The following CTNNA2 variants were observed in gnomAD, a reference collection of about 807,000 sequenced individuals.
CTNNA2 encodes catenin alpha 2.
A neutral mutation model predicts 101.0 loss-of-function variants in CTNNA2; 42 were observed. The ratio of observed to expected loss-of-function variants is 0.42; its 90% CI spans 0.32 to 0.54. CTNNA2 has a LOEUF of 0.54. Among genes scored for constraint, CTNNA2 ranks in the 20% least tolerant of loss-of-function variants. The pLI is 0.14. For synonymous variants in CTNNA2, 450 were observed against 456.4 expected, an observed-to-expected ratio of 0.99 and a Z score of 0.18; for missense variants, 871 against 1,223.1, an observed-to-expected ratio of 0.71 and a Z score of 4.29.
At chr2:79,991,143 T>G (rs1333057114) in intron 7 of CTNNA2, among the ~76,000 whole-genome samples, 1 of 152,232 alleles carries the variant, frequency 6.6e-6, no homozygotes, top group African/African-American at 2.4e-5. Context: ...TTTTTTATTG[T>G]GTCTATTTGA....
intron 3 of CTNNA2, among the ~76,000 whole-genome samples, chr2:79,812,218 A>G (rs1677098811): frequency 6.6e-6 from 1 of 151,822 alleles, no homozygotes; most frequent in South Asian, 2.1e-4. Flanking sequence ...TTTTCATTCT[A>G]TATTCTTTTC....
chr2:80,266,263 A>G (rs1672993629), intron 7 of CTNNA2, among the ~76,000 whole-genome samples: 1 of 152,168 alleles, frequency 6.6e-6, no homozygotes, highest in East Asian at 1.9e-4. Context: ...CCCTGGTGGG[A>G]TCTTCTTGCC....
intron 4 of CTNNA2, among the ~76,000 whole-genome samples, chr2:79,434,146 A>C (rs1169519103): frequency 6.6e-6 from 1 of 152,008 alleles, no homozygotes; most frequent in African/African-American, 2.4e-5. Flanking sequence ...TACAAAAAAA[A>C]AATTATTCCT....
Position 79,334,995 on chromosome 2 carries a change from C to T in CTNNA2, c.-318+22199C>T, listed in dbSNP as rs202168338. Among the ~76,000 whole-genome samples the T allele has an allele frequency of 1.1e-3, 161 of 152,254 alleles. 1 individual carries two copies. The highest frequency in any genetic ancestry group is 3.8e-3 in the African/African-American group (156 of 41,542). On this transcript the variant is annotated intron_variant, in intron 3 of 21. Coordinates refer to the CTNNA2 transcript ENST00000466387. ...TTCTTTAGAATTTACTGCCCTCCCC[C>T]ACCGCCCATGCACACACATTCAACC...
At chr2:79,607,065 G>T (rs1176222251) in intron 1 of CTNNA2, among the ~76,000 whole-genome samples, 1 of 152,054 alleles carries the variant, frequency 6.6e-6, no homozygotes, top group Non-Finnish European at 1.5e-5. Flanking sequence ...TTTAAAGATA[G>T]AAATAGGTAA....
chr2:80,217,342 G>A (rs1708331203), intron 7 of CTNNA2, among the ~76,000 whole-genome samples: 1 of 152,060 alleles, frequency 6.6e-6, no homozygotes, highest in African/African-American at 2.4e-5. Flanking sequence ...GGAACCCAGT[G>A]TCTCGGGGTC....
chr2:79,592,352 G>A (rs1415230621), intron 1 of CTNNA2, among the ~76,000 whole-genome samples: 1 of 151,688 alleles, frequency 6.6e-6, no homozygotes. Flanking sequence ...GGCTGATCTC[G>A]AACTCCTGAC....
At chr2:79,708,126 T>C (rs1486583328) in intron 2 of CTNNA2, among the ~76,000 whole-genome samples, 4 of 152,186 alleles carry the variant, frequency 2.6e-5, no homozygotes, top group Non-Finnish European at 5.9e-5. Context: ...TTAGATCAAG[T>C]GATTGTAGAG....
chr2:79,925,583 A>G (rs923807868), intron 7 of CTNNA2, among the ~76,000 whole-genome samples: 1 of 152,114 alleles, frequency 6.6e-6, no homozygotes, highest in Non-Finnish European at 1.5e-5. Context: ...TGTTTAAAGG[A>G]TAAGAAAAAG....
At chr2:79,718,551 A>C (rs191611753) in intron 2 of CTNNA2, among the ~76,000 whole-genome samples, 1 of 152,308 alleles carries the variant, frequency 6.6e-6, no homozygotes, top group African/African-American at 2.4e-5. Flanking sequence ...TTAAAGATGA[A>C]GCCTCCAGAA....
chr2:79,859,889 G>C (rs1301686717), intron 4 of CTNNA2, among the ~76,000 whole-genome samples: 2 of 152,146 alleles, frequency 1.3e-5, no homozygotes, highest in East Asian at 3.9e-4. Context: ...CTGTTAAAGT[G>C]GGGCTAATGG....
intron 3 of CTNNA2, among the ~76,000 whole-genome samples, chr2:79,345,628 C>T (rs189128799): frequency 1.3e-5 from 2 of 152,180 alleles, no homozygotes; most frequent in East Asian, 1.9e-4. Context: ...TTCTGAGGGG[C>T]CTTTAGAGAA....
chr2:80,006,451 G>T (rs919655925), intron 7 of CTNNA2, among the ~76,000 whole-genome samples: 3 of 151,848 alleles, frequency 2.0e-5, no homozygotes, highest in African/African-American at 7.3e-5. Context: ...AGAGAGTTGT[G>T]CTTCAAGTCA....
In CTNNA2 at chr2:79,650,380, T is replaced by C. The variant is rs1023411704; in HGVS notation, c.-5-1172T>C. Among the ~76,000 whole-genome samples the C allele has an allele frequency of 2.0e-5, 3 of 152,108 alleles. No homozygotes were observed. In the South Asian group the frequency reaches 6.2e-4, roughly 32 times the overall value. On this transcript the variant is annotated intron_variant, in intron 1 of 18. Transcript: ENST00000402739. ...TAGTAGCAGATAATTTTTCAGAACA[T>C]TGGCACTTAGTTTGAAGATGTCTTT...
intron 7 of CTNNA2, among the ~76,000 whole-genome samples, chr2:80,391,434 A>G (rs537465339): frequency 7.7e-4 from 117 of 152,266 alleles, no homozygotes; most frequent in South Asian, 3.5e-3. Context: ...TTAGTAATCG[A>G]TCCTCCATCT....
intron 7 of CTNNA2, among the ~76,000 whole-genome samples, chr2:80,258,776 C>T (rs1380347532): frequency 6.6e-6 from 1 of 152,142 alleles, no homozygotes; most frequent in African/African-American, 2.4e-5. Flanking sequence ...AAGGCAGTTG[C>T]TGATTGAACC....
Position 79,194,851 on chromosome 2 carries a change from C to G in CTNNA2, c.-523-3108C>G, listed in dbSNP as rs570921788. Among the ~76,000 whole-genome samples, 210 of 152,308 alleles carry G rather than the reference C, an allele frequency of 1.4e-3. 1 individual carries two copies. The highest frequency in any genetic ancestry group is 4.6e-3 in the African/African-American group (190 of 41,582). On this transcript the variant is annotated intron_variant, in intron 1 of 21. Transcript: ENST00000466387. ...AGAGACACCAGAGGATTATGTTTGG[C>G]AGTGGAATCTGAAATGTTGCTTTTT...
intron 1 of CTNNA2, among the ~76,000 whole-genome samples, chr2:79,556,079 A>G (rs563774516): frequency 5.3e-5 from 8 of 152,044 alleles, no homozygotes; most frequent in Non-Finnish European, 1.2e-4. Flanking sequence ...CCTTATTTTT[A>G]TGATTGAGTA....
intron 2 of CTNNA2, among the ~76,000 whole-genome samples, chr2:79,263,378 C>G (rs10208181): frequency 1.3e-5 from 2 of 151,810 alleles, no homozygotes; most frequent in Non-Finnish European, 2.9e-5. Flanking sequence ...TCTTCCCTCC[C>G]CAACTGTCTT....
Sources: gnomAD v4.1 joint callset for allele counts (sites outside exome capture counted in the v4.1 genomes callset) on GRCh38, gnomAD v4.1.1 for gene constraint, MANE v1.5 for transcripts, NCBI Gene and HGNC (gene_info 2026-07-23, HGNC 2026-07-21) for gene names.